Variants in SPIRE2 observed in about 807,000 individuals in gnomAD.
SPIRE2 encodes the protein spire type actin nucleation factor 2, also known as protein spire homolog 2.
SPIRE2 carries 76 observed loss-of-function variants against 80.7 expected under a neutral mutation model. The observed-to-expected ratio is 0.94, with a 90% CI of 0.78 to 1.14. SPIRE2 has a LOEUF of 1.14. Ranked by LOEUF, SPIRE2 falls within the 50% of genes most tolerant of loss-of-function variation. SPIRE2 has a pLI of 0.00. For missense variants in SPIRE2, 1,196 were observed against 1,015.3 expected (o/e 1.18, Z -2.42); for synonymous variants, 535 against 432.6 (o/e 1.24, Z -2.94).
At chr16:89,857,881 CTT>C (rs774655599) in intron 7 of SPIRE2, among the ~76,000 whole-genome samples, 11 of 107,184 alleles carry the variant, frequency 1.0e-4, no homozygotes, top group African/African-American at 1.1e-4. Context: ...AGTTCTTCTT[CTT>C]TTTTTTTTTT....
chr16:89,852,948 G>C (rs199855643), intron 3 of SPIRE2, among the ~76,000 whole-genome samples: 2 of 57,584 alleles, frequency 3.5e-5, no homozygotes, highest in Non-Finnish European at 6.5e-5. Flanking sequence ...CCCATGGCCC[G>C]TCTTCCATCC....
At position 89,840,512 on chromosome 16, in the gene SPIRE2, G is replaced by C. The variant is rs560678251; in HGVS notation, c.245-4810G>C. 9.2e-4 allele frequency among the ~76,000 whole-genome samples: 139 copies of C among 151,480 alleles called. 1 individual carries two copies. The highest frequency in any genetic ancestry group is 3.3e-3 in the African/African-American group (134 of 41,168). ...GATCCGCCCGCCTCGGCCTCCCAAA[G>C]TGCTGGATTACAGGCATGAGCCACC... On this transcript the variant is annotated intron_variant, in intron 1 of 14. Transcript: ENST00000378247.
intron 1 of SPIRE2, among the ~76,000 whole-genome samples, chr16:89,832,900 C>T (rs1203659514): frequency 6.6e-6 from 1 of 152,068 alleles, no homozygotes. Context: ...CGGCTCACTG[C>T]AACCTTAGCC....
intron 10 of SPIRE2, among the ~76,000 whole-genome samples, chr16:89,861,433 T>C (rs1304640789): frequency 6.6e-6 from 1 of 152,204 alleles, no homozygotes; most frequent in Admixed American, 6.5e-5. Flanking sequence ...ACTATGAGCC[T>C]TATATAAATG....
rs765293251 is a variant in SPIRE2 at position 89,860,838 on chromosome 16, G to A, written c.1575+43G>A. 155 of 1,268,936 alleles carry A rather than the reference G, an allele frequency of 1.2e-4. 2 individuals are homozygous for A. The highest frequency in any genetic ancestry group is 5.1e-4 in the South Asian group (32 of 62,914). The allele number at this position is 1,268,936 out of a possible 1,614,324, so 78.6% of individuals were successfully genotyped here. A position where few individuals can be genotyped will look rare whatever the true frequency, so the allele number is the denominator to read the frequency against. On this transcript the variant is annotated intron_variant, in intron 10 of 14. Coordinates refer to ENST00000378247, the MANE Select transcript of SPIRE2 (RefSeq NM_032451.2). ...TGTCGTCCAGGGCGGCCCAGGGGGC[G>A]TCTTTGCACCCACCTTCCCGCCGCC...
chr16:89,854,641 G>A lies in SPIRE2; in HGVS notation c.881G>A (p.Arg294His), dbSNP rs550598625. 12 of 1,569,914 alleles carry A rather than the reference G, an allele frequency of 7.6e-6. No homozygotes were observed. Among genetic ancestry groups the A allele is most frequent in the South Asian group, 3.3e-5 (3 of 90,014 alleles). Reference sequence around the variant, plus strand: ...ATCCGGGCCCGGAACTACAAGCTGCGCAAGGTCATGGTGAGCGGGGCAGAC... The same window carrying A: ...ATCCGGGCCCGGAACTACAAGCTGCACAAGGTCATGGTGAGCGGGGCAGAC... ...QDIRARNYKL[R>H]KVMVDGDIPP... The change falls in exon 5 of 15, where the codon CGC (arginine) becomes CAC (histidine). Residue 294 changes from arginine to histidine, a missense_variant. Transcript: ENST00000378247.
At chr16:89,835,287 C>T (rs1311329782) in intron 1 of SPIRE2, among the ~76,000 whole-genome samples, 2 of 152,222 alleles carry the variant, frequency 1.3e-5, no homozygotes, top group Admixed American at 1.3e-4. Context: ...TTGGGCAGCT[C>T]TTGCAAGTTC....
intron 1 of SPIRE2, among the ~76,000 whole-genome samples, chr16:89,844,863 G>C (rs958966593): frequency 2.0e-5 from 3 of 152,328 alleles, no homozygotes; most frequent in South Asian, 4.1e-4. Context: ...GATTATAGGT[G>C]TGAGCCACCA....
At chr16:89,837,935 AAC>A (rs1233106388) in intron 1 of SPIRE2, among the ~76,000 whole-genome samples, 4 of 152,180 alleles carry the variant, frequency 2.6e-5, no homozygotes, top group Admixed American at 6.5e-5. Context: ...TTGCTAAACA[AAC>A]ACAGACTCCT....
At chr16:89,839,138 G>A (rs929187077) in intron 1 of SPIRE2, among the ~76,000 whole-genome samples, 4 of 152,008 alleles carry the variant, frequency 2.6e-5, no homozygotes, top group South Asian at 4.2e-4. Context: ...TCAGGAGATC[G>A]AGACCATCCT....
At chr16:89,829,511 C>T (rs963553202) in intron 1 of SPIRE2, among the ~76,000 whole-genome samples, 4 of 152,160 alleles carry the variant, frequency 2.6e-5, no homozygotes, top group Non-Finnish European at 5.9e-5. Flanking sequence ...GGTACCCTGC[C>T]GGGGGGCAGA....
At chr16:89,841,293 C>T (rs979583104) in intron 1 of SPIRE2, among the ~76,000 whole-genome samples, 1 of 152,036 alleles carries the variant, frequency 6.6e-6, no homozygotes, top group Non-Finnish European at 1.5e-5. Context: ...TGGATGGAAA[C>T]GAGGGGTCCT....
Position 89,863,816 on chromosome 16 carries a change from A to G in SPIRE2, c.1733A>G (p.Lys578Arg), listed in dbSNP as rs1567678400. ...CAGATTTGCTGCTGCTGCCGGGCCAAGTTCCCGCTGTTCTCGTGGCCGCCC... is the reference window on the plus strand; with the variant it reads ...CAGATTTGCTGCTGCTGCCGGGCCAGGTTCCCGCTGTTCTCGTGGCCGCCC... ...KGKICCCCRAKFPLFSWPPSC... is the reference protein window; with the variant it reads ...KGKICCCCRARFPLFSWPPSC... The change falls in exon 12 of 15, where the codon AAG (lysine) becomes AGG (arginine). Residue 578 changes from lysine to arginine, a missense_variant. Lys to Arg is a conservative substitution (Grantham distance 26). Transcript: ENST00000378247. The surrounding 1 kb of genome is among the most constrained non-coding windows in gnomAD (Gnocchi z 4.3). 2 of 1,614,060 alleles carry G rather than the reference A, an allele frequency of 1.2e-6. No homozygotes were observed. Among genetic ancestry groups the G allele is most frequent in the Non-Finnish European group, 8.5e-7 (1 of 1,179,988 alleles).
chr16:89,842,229 T>TTTTTC lies in SPIRE2; in HGVS notation c.245-3092_245-3091insTTTCT, dbSNP rs1299656862. ...CGTAATTTTTTTTTTTTTTTTTTTT[T>TTTTTC]TGTGACGGAGTCTCACTCTGTTGCC... On this transcript the variant is annotated intron_variant, in intron 1 of 14. Coordinates refer to ENST00000378247, the MANE Select transcript of SPIRE2 (RefSeq NM_032451.2). Among the ~76,000 whole-genome samples, 3 of 137,372 alleles carry TTTTTC rather than the reference T, an allele frequency of 2.2e-5. 1 individual carries two copies. Among genetic ancestry groups the TTTTTC allele is most frequent in the African/African-American group, 9.1e-5 (3 of 32,940 alleles). The allele number at this position is 137,372 out of a possible 152,430, so 90.1% of individuals were successfully genotyped here.
chr16:89,858,325 C>T lies in SPIRE2; in HGVS notation c.1103-13C>T. 3 of 1,572,308 alleles carry T rather than the reference C, an allele frequency of 1.9e-6. No homozygotes were observed. The highest frequency in any genetic ancestry group is 2.4e-5 in the South Asian group (2 of 85,038). ...TTCACTGGCCCGTCCTGCCTCGGCT[C>T]CCGTCTCCCCAGGGTTTGGCTCTCT... On this transcript the variant is annotated splice_polypyrimidine_tract_variant and intron_variant, in intron 7 of 14. Transcript: ENST00000378247.
At chr16:89,862,262 CAA>C (rs1450021689) in intron 10 of SPIRE2, 1 of 152,062 alleles carries the variant, frequency 6.6e-6, no homozygotes, top group East Asian at 1.9e-4. Flanking sequence ...TTCGGCCTCC[CAA>C]AGTGCTGGGA....
In SPIRE2 at chr16:89,850,421, G is replaced by C. The variant is rs1416879801; in HGVS notation, c.406G>C (p.Asp136His). Residue 136 changes from aspartate to histidine, a missense_variant, in exon 3 of 15, where the codon GAC becomes CAC. Transcript: ENST00000378247. Reference sequence around the variant, plus strand: ...GCTCATCGACCTCATGGCCAACAACGACAGCGAGGACAGCGGCTGCGGTGC... The same window carrying C: ...GCTCATCGACCTCATGGCCAACAACCACAGCGAGGACAGCGGCTGCGGTGC... Reference protein sequence around the residue: ...ERLIDLMANNDSEDSGCGAAD... With the variant: ...ERLIDLMANNHSEDSGCGAAD... 1.3e-6 allele frequency: 2 copies of C among 1,583,658 alleles called. No individual in the cohort carries two copies. The highest frequency in any genetic ancestry group is 1.7e-6 in the Non-Finnish European group (2 of 1,166,632).
intron 1 of SPIRE2, among the ~76,000 whole-genome samples, chr16:89,834,623 G>T (rs2041425145): frequency 8.2e-6 from 1 of 122,518 alleles, no homozygotes; most frequent in African/African-American, 3.0e-5. Flanking sequence ...CGCACTCGCG[G>T]TTGGCCGTTG....
In SPIRE2 at chr16:89,855,843, C is replaced by A. The variant is rs1238311400; in HGVS notation, c.978+157C>A. On this transcript the variant is annotated intron_variant, in intron 6 of 14. Transcript: ENST00000378247. ...GTGAGGCGGGCTGGCTTCCTCTTGC[C>A]TGTGTGCCAGCCCGGGGCTGTGTGG... 4 of 912,836 alleles carry A rather than the reference C, an allele frequency of 4.4e-6. No homozygotes were observed. The African/African-American group carries it at 5.0e-5, about 11-fold the overall frequency. The allele number at this position is 912,836 out of a possible 1,614,324, so 56.5% of individuals were successfully genotyped here. A position where few individuals can be genotyped will look rare whatever the true frequency, so the allele number is the denominator to read the frequency against.
Sources: allele counts gnomAD v4.1 joint callset (sites outside exome capture counted in the v4.1 genomes callset), GRCh38; gene constraint gnomAD v4.1.1; non-coding constraint Gnocchi (gnomAD v3.1); transcripts MANE v1.5; gene names NCBI Gene and HGNC (gene_info 2026-07-23, HGNC 2026-07-21).